The following EXOC6 variants were observed in gnomAD, a reference collection of about 807,000 sequenced individuals.
EXOC6 encodes SEC15-like 1.
EXOC6 carries 60 observed loss-of-function variants against 112.5 expected under a neutral mutation model. The observed-to-expected ratio is 0.53, with a 90% confidence interval of 0.43 to 0.66. The LOEUF is 0.66. Ranked by LOEUF, EXOC6 falls within the 30% of genes least tolerant of loss-of-function variation. The pLI is 0.00. For missense variants in EXOC6, 855 were observed against 957.1 expected, an observed-to-expected ratio of 0.89 and a Z score of 1.41; for synonymous variants, 295 against 308.0, an observed-to-expected ratio of 0.96 and a Z score of 0.44.
upstream of EXOC6, among the ~76,000 whole-genome samples, chr10:92,834,331 T>C (rs1846592745): frequency 6.6e-6 from 1 of 152,224 alleles, no homozygotes; most frequent in Admixed American, 6.5e-5. Flanking sequence ...GCTTTAGTTA[T>C]GTATTTAGCA....
intron 9 of EXOC6, 47 bp from the exon 10 acceptor site, chr10:92,934,097 T>C: frequency 8.7e-7 from 1 of 1,154,066 alleles, no homozygotes. Flanking sequence ...TACCTTTATG[T>C]TACCAGTATT....
intron 19 of EXOC6, among the ~76,000 whole-genome samples, chr10:93,006,783 C>T (rs1189869784): frequency 6.6e-6 from 1 of 152,176 alleles, no homozygotes; most frequent in African/African-American, 2.4e-5. Context: ...AATGAAATTA[C>T]AAGAAGTATC....
chr10:92,948,865 T>C (rs543768786), intron 14 of EXOC6, among the ~76,000 whole-genome samples: 1 of 152,322 alleles, frequency 6.6e-6, no homozygotes, highest in South Asian at 2.1e-4. Flanking sequence ...AAATAAGTGA[T>C]ATGTGAAGGC....
chr10:93,018,820 C>T (rs1468603435), intron 20 of EXOC6, among the ~76,000 whole-genome samples: 3 of 151,490 alleles, frequency 2.0e-5, no homozygotes, highest in African/African-American at 7.3e-5. Context: ...TATTTACTTT[C>T]ATATATGTTT....
rs77398264 is a variant in EXOC6 at position 92,954,829 on chromosome 10, G to C, written c.1638+88G>C. Reference sequence around the variant, plus strand: ...TGCTGAACGTCATTCTGTAAAACTAGCTTCCTGTTTTAAATGTATTAATAT... The same window carrying C: ...TGCTGAACGTCATTCTGTAAAACTACCTTCCTGTTTTAAATGTATTAATAT... On this transcript the variant is annotated intron_variant, in intron 16 of 21. Transcript: ENST00000260762. 2,185 of 624,730 alleles carry C rather than the reference G, an allele frequency of 3.5e-3. 41 individuals are homozygous for C. The African/African-American group carries it at 0.037, about 11-fold the overall frequency. The allele number at this position is 624,730 out of a possible 1,614,324, so 38.7% of individuals were successfully genotyped here. A position where few individuals can be genotyped will look rare whatever the true frequency, so the allele number is the denominator to read the frequency against.
In EXOC6 at chr10:92,990,447, G is replaced by C. The variant is rs144627785; in HGVS notation, c.1954-7027G>C. On this transcript the variant is annotated intron_variant, in intron 18 of 21. Transcript: ENST00000260762. ...TAGTTGGAAGTAGTAGTAATGAAAG[G>C]GCTTTTAAAAGGAAACAACACGAGA... Among the ~76,000 whole-genome samples, 47 of 152,224 alleles carry C rather than the reference G, an allele frequency of 3.1e-4. 1 individual carries two copies. The East Asian group carries it at 9.1e-3, about 29-fold the overall frequency.
chr10:92,935,551 T>C (rs1220435572), intron 11 of EXOC6, among the ~76,000 whole-genome samples: 3 of 152,100 alleles, frequency 2.0e-5, no homozygotes, highest in Non-Finnish European at 2.9e-5. Context: ...TATAAACCTT[T>C]TTCAGTTTAA....
intron 1 of EXOC6, among the ~76,000 whole-genome samples, chr10:92,871,107 CT>C (rs897854786): frequency 2.0e-5 from 3 of 152,096 alleles, no homozygotes; most frequent in Admixed American, 6.5e-5. Flanking sequence ...TTCTCTGTTT[CT>C]TTTGTGATAA....
intron 18 of EXOC6, among the ~76,000 whole-genome samples, chr10:92,987,002 T>C (rs1843036482): frequency 6.6e-6 from 1 of 152,098 alleles, no homozygotes; most frequent in South Asian, 2.1e-4. Context: ...CCGTCTTTCC[T>C]CGAGTAATTT....
At chr10:92,990,631 A>G (rs1431028756) in intron 18 of EXOC6, among the ~76,000 whole-genome samples, 2 of 152,022 alleles carry the variant, frequency 1.3e-5, no homozygotes, top group East Asian at 1.9e-4. Flanking sequence ...TTTTTTTTCT[A>G]TTTTAAGTTC....
chr10:92,986,433 C>T (rs1843012182), intron 18 of EXOC6, among the ~76,000 whole-genome samples: 1 of 151,952 alleles, frequency 6.6e-6, no homozygotes, highest in Non-Finnish European at 1.5e-5. Context: ...AACACAACTG[C>T]TGTCCCACTG....
intron 5 of EXOC6, among the ~76,000 whole-genome samples, chr10:92,906,459 G>A (rs1218373954): frequency 1.3e-5 from 2 of 152,102 alleles, no homozygotes; most frequent in Non-Finnish European, 2.9e-5. Flanking sequence ...GGCATAATTT[G>A]TACTTTGTAG....
chr10:93,026,424 C>T (rs1845026623), intron 20 of EXOC6, among the ~76,000 whole-genome samples: 1 of 152,170 alleles, frequency 6.6e-6, no homozygotes, highest in South Asian at 2.1e-4. Flanking sequence ...TTTAGCCATT[C>T]CAGTGGCTGT....
Position 92,893,367 on chromosome 10 carries a change from A to G in EXOC6, c.120A>G (p.Gln40=), listed in dbSNP as rs750559663. 1.9e-6 allele frequency: 3 copies of G among 1,611,308 alleles called. No homozygotes were observed. In the South Asian group the frequency reaches 3.3e-5, roughly 18 times the overall value. ...GPTLRSVYDD[Q]PNAHKKFMEK... is the part of the protein sequence containing the mutation. ...CATTCAGGTCTGTGTATGATGACCA[A>G]CCAAATGCGCACAAGAAGTTTATGG... Residue 40 remains glutamine, a synonymous_variant, in exon 2 of 22, where the codon CAA becomes CAG. Coordinates refer to ENST00000260762, the MANE Select transcript of EXOC6 (RefSeq NM_019053.6).
At chr10:92,891,398 A>C (rs1299714853) in intron 1 of EXOC6, among the ~76,000 whole-genome samples, 1 of 152,206 alleles carries the variant, frequency 6.6e-6, no homozygotes, top group Non-Finnish European at 1.5e-5. Context: ...GCTCTTACAG[A>C]ACCTACATTT....
chr10:92,855,446 T>G (rs1847554299), intron 1 of EXOC6, among the ~76,000 whole-genome samples: 1 of 152,196 alleles, frequency 6.6e-6, no homozygotes, highest in South Asian at 2.1e-4. Flanking sequence ...TAGGAAGTGT[T>G]CGCTTCTCTT....
chr10:92,858,794 C>A (rs1477156909), intron 1 of EXOC6, among the ~76,000 whole-genome samples: 1 of 152,180 alleles, frequency 6.6e-6, no homozygotes, highest in African/African-American at 2.4e-5. Context: ...GAGACAGAGT[C>A]TTGCTCTGTC....
intron 17 of EXOC6, among the ~76,000 whole-genome samples, chr10:92,966,579 A>G (rs1426456370): frequency 5.0e-4 from 76 of 150,834 alleles, no homozygotes; most frequent in South Asian, 4.2e-3. Flanking sequence ...GAGAATGATG[A>G]TTTCCACTTT....
intron 14 of EXOC6, among the ~76,000 whole-genome samples, chr10:92,948,581 C>CTACTAA (rs925568435): frequency 4.7e-5 from 7 of 148,036 alleles, no homozygotes; most frequent in South Asian, 2.1e-4. Flanking sequence ...ACCACTACTA[C>CTACTAA]TACTACTACT....
Sources: allele counts gnomAD v4.1 joint callset (sites outside exome capture counted in the v4.1 genomes callset), GRCh38; gene constraint gnomAD v4.1.1; transcripts MANE v1.5; gene names NCBI Gene and HGNC (gene_info 2026-07-23, HGNC 2026-07-21).